The following PRKAR2B variants were observed in gnomAD, a reference collection of about 807,000 sequenced individuals.
PRKAR2B encodes the protein protein kinase cAMP-dependent type II regulatory subunit beta, also known as cAMP-dependent protein kinase type II-beta regulatory subunit.
Under a neutral mutation model 49.9 loss-of-function variants are expected in PRKAR2B, and 14 were observed. The ratio of observed to expected loss-of-function variants is 0.28; its 90% confidence interval spans 0.19 to 0.44. The LOEUF is 0.44. Ranked by LOEUF, PRKAR2B falls within the 20% of genes least tolerant of loss-of-function variation. The pLI, the probability that PRKAR2B is intolerant of heterozygous loss-of-function variation, is 1.00. For synonymous variants in PRKAR2B, 196 were observed against 197.7 expected (o/e 0.99, Z 0.07); for missense variants, 393 against 537.9 (o/e 0.73, Z 2.67).
In PRKAR2B at chr7:107,156,705, C is replaced by G. The variant is rs192107243; in HGVS notation, c.919-279C>G. Reference sequence around the variant, plus strand: ...CCTGTAGTCCCAGCCACCCAGGAGGCTGAGGCAGGAGAATGGTGTGAACCC... The same window carrying G: ...CCTGTAGTCCCAGCCACCCAGGAGGGTGAGGCAGGAGAATGGTGTGAACCC... On this transcript the variant is annotated intron_variant, in intron 8 of 10. Coordinates refer to ENST00000265717, the MANE Select transcript of PRKAR2B (RefSeq NM_002736.3). Among the ~76,000 whole-genome samples, 1,419 of 151,782 alleles carry G rather than the reference C, an allele frequency of 9.3e-3. 27 individuals are homozygous for G. Among genetic ancestry groups the G allele is most frequent in the African/African-American group, 0.031 (1,303 of 41,374 alleles).
At chr7:107,105,118 C>T (rs922238327) in intron 2 of PRKAR2B, among the ~76,000 whole-genome samples, 5 of 152,052 alleles carry the variant, frequency 3.3e-5, no homozygotes, top group African/African-American at 9.7e-5. Context: ...TGTTTTTTTC[C>T]GTGGTAACCA....
At chr7:107,061,377 C>A (rs1002411397) in intron 1 of PRKAR2B, among the ~76,000 whole-genome samples, 1 of 152,098 alleles carries the variant, frequency 6.6e-6, no homozygotes, top group South Asian at 2.1e-4. Flanking sequence ...CATGATATAT[C>A]TCCCTTTATT....
rs539295244 is a variant in PRKAR2B, at chr7:107,077,598, C to A, written c.343+7282C>A. Among the ~76,000 whole-genome samples, 10 of 152,306 alleles carry A rather than the reference C, an allele frequency of 6.6e-5. 1 individual carries two copies. In the South Asian group the frequency reaches 2.1e-3, roughly 32 times the overall value. On this transcript the variant is annotated intron_variant, in intron 2 of 10. Transcript: ENST00000265717. Reference sequence around the variant, plus strand: ...TGCCTCTGCCATCAAGCACCTATGGCATGGAGTGAGCAGATGCCCACTGGC... The same window carrying A: ...TGCCTCTGCCATCAAGCACCTATGGAATGGAGTGAGCAGATGCCCACTGGC...
At chr7:107,102,816 G>T (rs547711040) in intron 2 of PRKAR2B, among the ~76,000 whole-genome samples, 3 of 151,862 alleles carry the variant, frequency 2.0e-5, no homozygotes, top group Non-Finnish European at 2.9e-5. Flanking sequence ...GATTACAGGC[G>T]CCCGCCACCA....
chr7:107,128,848 G>C (rs2115606158), intron 4 of PRKAR2B: 1 of 144,838 alleles, frequency 6.9e-6, no homozygotes, highest in East Asian at 2.0e-4. Flanking sequence ...TTTGGGTTCG[G>C]TATTTCTAGA....
At chr7:107,079,108 T>C (rs1794464846) in intron 2 of PRKAR2B, among the ~76,000 whole-genome samples, 1 of 152,056 alleles carries the variant, frequency 6.6e-6, no homozygotes, top group South Asian at 2.1e-4. Context: ...TAGGTATGAG[T>C]AGATAGAATA....
intron 1 of PRKAR2B, among the ~76,000 whole-genome samples, chr7:107,064,508 A>G (rs921126622): frequency 7.2e-5 from 11 of 152,122 alleles, no homozygotes; most frequent in Non-Finnish European, 1.6e-4. Context: ...GGAAGAAGAA[A>G]AGTGGTCTCC....
intron 1 of PRKAR2B, among the ~76,000 whole-genome samples, chr7:107,052,235 A>G (rs565795783): frequency 1.3e-5 from 2 of 152,274 alleles, no homozygotes; most frequent in East Asian, 3.9e-4. Flanking sequence ...CCTGGCCAAC[A>G]TGGTGAAACC....
At chr7:107,157,775 T>C (rs973181472) in intron 10 of PRKAR2B, among the ~76,000 whole-genome samples, 6 of 152,240 alleles carry the variant, frequency 3.9e-5, no homozygotes, top group Non-Finnish European at 7.3e-5. Flanking sequence ...CAGTCAAATG[T>C]TCTTTGCTGT....
At chr7:107,146,483 C>T in intron 6 of PRKAR2B, 22 bp downstream of exon 6, 2 of 1,601,552 alleles carry the variant, frequency 1.2e-6, no homozygotes, top group Non-Finnish European at 8.5e-7. Context: ...ACTTATTTGA[C>T]CTGAATGTTA....
In PRKAR2B at chr7:107,140,864, A is replaced by G. The variant is rs1199151799; in HGVS notation, c.498A>G (p.Val166=). 3.1e-6 allele frequency: 5 copies of G among 1,612,200 alleles called. No homozygotes were observed. Among genetic ancestry groups the G allele is most frequent in the Admixed American group, 3.3e-5 (2 of 59,816 alleles). Residue 166 remains valine, a synonymous_variant, in exon 5 of 11, where the codon GTA becomes GTG. Coordinates refer to ENST00000265717, the MANE Select transcript of PRKAR2B (RefSeq NM_002736.3). Reference sequence around the variant, plus strand: ...AAAAATAGGAGCAGATGTCTCAAGTATTAGATGCCATGTTTGAAAAATTGG... The same window carrying G: ...AAAAATAGGAGCAGATGTCTCAAGTGTTAGATGCCATGTTTGAAAAATTGG... The part of the protein sequence containing the change: ...KNLDPEQMSQ[V]LDAMFEKLVK...
rs759778020 is a variant in PRKAR2B, at chr7:107,153,219, G to C, written c.886G>C (p.Val296Leu). Residue 296 changes from valine to leucine, a missense_variant, in exon 8 of 11, where the codon GTA becomes CTA. Transcript: ENST00000265717. ...AGTAGTAGATGTGATAGGCACCAAA[G>C]TATACAACGATGGAGAACAAATCAT... ...LKVVDVIGTKVYNDGEQIIAQ... is the reference protein window; with the variant it reads ...LKVVDVIGTKLYNDGEQIIAQ... The C allele has an allele frequency of 5.0e-6, 8 of 1,609,074 alleles. No individual in the cohort carries two copies. Among genetic ancestry groups the C allele is most frequent in the Non-Finnish European group, 6.8e-6 (8 of 1,177,732 alleles).
chr7:107,122,151 C>T (rs1167348904), intron 3 of PRKAR2B, 147 bp downstream of exon 3: 1 of 472,014 alleles, frequency 2.1e-6, no homozygotes, highest in Non-Finnish European at 3.7e-6. Flanking sequence ...AGTCTCATCT[C>T]CAATAGCCTA....
Position 107,093,925 on chromosome 7 carries a change from G to A in PRKAR2B, c.343+23609G>A, listed in dbSNP as rs1584424051. ...CCAGTCTATTACTGATGGACATTTG[G>A]GTTGGTTCCAAGTCTTTGCTATTGT... is the stretch of plus-strand genomic sequence containing the variant. On this transcript the variant is annotated intron_variant, in intron 2 of 10. Transcript: ENST00000265717. Among the ~76,000 whole-genome samples the A allele has an allele frequency of 2.0e-5, 3 of 152,208 alleles. 1 individual carries two copies. Among genetic ancestry groups the A allele is most frequent in the South Asian group, 4.1e-4 (2 of 4,826 alleles).
At chr7:107,091,181 A>G (rs1024492351) in intron 2 of PRKAR2B, among the ~76,000 whole-genome samples, 3 of 152,188 alleles carry the variant, frequency 2.0e-5, no homozygotes, top group Non-Finnish European at 2.9e-5. Flanking sequence ...TTTTTGGTGC[A>G]AAAAGGATCG....
chr7:107,087,358 C>T (rs1794641057), intron 2 of PRKAR2B, among the ~76,000 whole-genome samples: 1 of 151,954 alleles, frequency 6.6e-6, no homozygotes, highest in African/African-American at 2.4e-5. Context: ...TGAAAAAGAA[C>T]TTGGGTTCCA....
chr7:107,152,544 T>C (rs1796006473), intron 7 of PRKAR2B, among the ~76,000 whole-genome samples: 1 of 152,220 alleles, frequency 6.6e-6, no homozygotes, highest in Non-Finnish European at 1.5e-5. Flanking sequence ...TCAGCTTCAT[T>C]TTCCATACTT....
At chr7:107,086,635 A>AT (rs1403987809) in intron 2 of PRKAR2B, among the ~76,000 whole-genome samples, 3 of 151,784 alleles carry the variant, frequency 2.0e-5, no homozygotes, top group African/African-American at 7.3e-5. Context: ...TCATTTTTGC[A>AT]TTTTTTTGTA....
chr7:107,110,124 G>A (rs1275618842), intron 2 of PRKAR2B, among the ~76,000 whole-genome samples: 1 of 152,170 alleles, frequency 6.6e-6, no homozygotes, highest in Non-Finnish European at 1.5e-5. Context: ...GAGTGTAGCA[G>A]TTGTGAGACA....
Sources: gnomAD v4.1 joint callset for allele counts (sites outside exome capture counted in the v4.1 genomes callset) on GRCh38, gnomAD v4.1.1 for gene constraint, MANE v1.5 for transcripts, NCBI Gene and HGNC (gene_info 2026-07-23, HGNC 2026-07-21) for gene names.